The following CTNNA3 variants were observed in gnomAD, a reference collection of about 807,000 sequenced individuals.
CTNNA3 encodes the protein catenin alpha-3.
Under a neutral mutation model 95.7 loss-of-function variants are expected in CTNNA3, and 76 were observed. The observed-to-expected ratio is 0.79, with a 90% CI of 0.66 to 0.96. CTNNA3 has a LOEUF of 0.96. Ranked by LOEUF, CTNNA3 falls within the 40% of genes least tolerant of loss-of-function variation. CTNNA3 has a pLI of 0.00. For synonymous variants in CTNNA3, 431 were observed against 374.4 expected (o/e 1.15, Z -1.74); for missense variants, 1,191 against 1,089.8 (o/e 1.09, Z -1.31).
At chr10:67,530,871 G>C (rs1270584311) in intron 4 of CTNNA3, among the ~76,000 whole-genome samples, 1 of 152,180 alleles carries the variant, frequency 6.6e-6, no homozygotes, top group South Asian at 2.1e-4. Flanking sequence ...GTGCAGCCTA[G>C]GGACTTGGAG....
At chr10:67,664,824 G>C (rs1005836137) in intron 1 of CTNNA3, among the ~76,000 whole-genome samples, 2 of 151,998 alleles carry the variant, frequency 1.3e-5, no homozygotes, top group African/African-American at 4.8e-5. Flanking sequence ...ATGCTCTACC[G>C]TATTGAATAC....
At chr10:66,069,241 G>A (rs1194212157) in intron 15 of CTNNA3, 67 bp downstream of exon 15, 1 of 1,471,700 alleles carries the variant, frequency 6.8e-7, no homozygotes, top group African/African-American at 1.4e-5. Context: ...AGAATCTTGA[G>A]GTTTCACTAA....
intron 13 of CTNNA3, among the ~76,000 whole-genome samples, chr10:66,138,696 TAAAAA>T (rs2083468073): frequency 6.6e-6 from 1 of 151,810 alleles, no homozygotes. Context: ...ACAAAAATAT[TAAAAA>T]TACAGAAATC....
intron 1 of CTNNA3, among the ~76,000 whole-genome samples, chr10:67,726,831 A>G (rs1589582508): frequency 1.9e-5 from 2 of 107,340 alleles, no homozygotes; most frequent in African/African-American, 3.7e-5. Flanking sequence ...TCTATGTATC[A>G]TATATAATAT....
intron 3 of CTNNA3, among the ~76,000 whole-genome samples, chr10:67,603,314 C>T (rs1393971775): frequency 1.3e-5 from 2 of 152,160 alleles, no homozygotes; most frequent in African/African-American, 2.4e-5. Flanking sequence ...GCGTACATGA[C>T]GGTGGTCCCA....
intron 15 of CTNNA3, among the ~76,000 whole-genome samples, chr10:66,063,323 AT>A (rs1331015439): frequency 3.5e-5 from 3 of 86,046 alleles, no homozygotes; most frequent in African/African-American, 1.3e-4. Context: ...TATATATAAT[AT>A]ATATATATAT....
intron 6 of CTNNA3, among the ~76,000 whole-genome samples, chr10:67,191,728 T>G (rs1253132927): frequency 6.6e-6 from 1 of 151,920 alleles, no homozygotes; most frequent in Non-Finnish European, 1.5e-5. Context: ...ACAGTATTCT[T>G]CAAAGAAATA....
chr10:66,558,387 TGG>T (rs1842454564), intron 10 of CTNNA3, among the ~76,000 whole-genome samples: 1 of 152,150 alleles, frequency 6.6e-6, no homozygotes, highest in South Asian at 2.1e-4. Context: ...CATTTTCTTT[TGG>T]GGAAATGGCA....
At chr10:67,050,737 C>T (rs1044044530) in intron 7 of CTNNA3, among the ~76,000 whole-genome samples, 11 of 152,130 alleles carry the variant, frequency 7.2e-5, no homozygotes, top group African/African-American at 2.7e-4. Flanking sequence ...AATGACCACT[C>T]GCATCAAATT....
chr10:66,235,380 A>T (rs2089797679), intron 13 of CTNNA3, among the ~76,000 whole-genome samples: 1 of 151,050 alleles, frequency 6.6e-6, no homozygotes, highest in Non-Finnish European at 1.5e-5. Flanking sequence ...ATTTTATTAT[A>T]GTTTTATTAA....
intron 7 of CTNNA3, chr10:67,052,720 T>G (rs1169806367): frequency 6.6e-6 from 1 of 152,088 alleles, no homozygotes; most frequent in Non-Finnish European, 1.5e-5. Context: ...TACATAATGG[T>G]ACATCCTGCC....
intron 8 of CTNNA3, among the ~76,000 whole-genome samples, chr10:66,771,712 T>C (rs891497665): frequency 1.3e-5 from 2 of 152,134 alleles, no homozygotes; most frequent in African/African-American, 4.8e-5. Flanking sequence ...TATTTATTGT[T>C]TTAGGAATAA....
intron 7 of CTNNA3, among the ~76,000 whole-genome samples, chr10:67,128,942 G>C (rs183119242): frequency 1.3e-5 from 2 of 151,738 alleles, no homozygotes; most frequent in African/African-American, 4.8e-5. Context: ...GTTGAAACTA[G>C]GCTAATCATG....
chr10:67,267,019 T>G lies in CTNNA3; in HGVS notation c.580-47149A>C, dbSNP rs59394123. Among the ~76,000 whole-genome samples the G allele has an allele frequency of 0.018, 2,784 of 152,288 alleles. 230 individuals are homozygous for G. The East Asian group carries it at 0.25, about 14-fold the overall frequency. On this transcript the variant is annotated intron_variant, in intron 5 of 17. Coordinates refer to ENST00000433211, the MANE Select transcript of CTNNA3 (RefSeq NM_013266.4). ...AAAGCTTTTGAAATTCTGGGCATGC[T>G]TTTTTACTTCAGATAATCTGGTCTA... is the stretch of plus-strand genomic sequence containing the variant.
intron 10 of CTNNA3, among the ~76,000 whole-genome samples, chr10:66,536,211 G>A (rs1841650631): frequency 6.6e-6 from 1 of 151,872 alleles, no homozygotes; most frequent in Non-Finnish European, 1.5e-5. Flanking sequence ...GGTAATCCTT[G>A]TGGCTCACAC....
At chr10:66,106,706 AT>A (rs1399888779) in intron 13 of CTNNA3, among the ~76,000 whole-genome samples, 1 of 152,080 alleles carries the variant, frequency 6.6e-6, no homozygotes, top group African/African-American at 2.4e-5. Flanking sequence ...CTTATACCTC[AT>A]CCCAATATAC....
chr10:66,529,452 T>TG (rs1554812169), intron 10 of CTNNA3, among the ~76,000 whole-genome samples: 1 of 146,148 alleles, frequency 6.8e-6, no homozygotes, highest in African/African-American at 2.5e-5. Flanking sequence ...TTTTTTTTGT[T>TG]TTTTTTTTTT....
intron 2 of CTNNA3, among the ~76,000 whole-genome samples, chr10:67,643,575 T>A (rs1407601528): frequency 6.6e-6 from 1 of 152,086 alleles, no homozygotes; most frequent in African/African-American, 2.4e-5. Flanking sequence ...GGGATACATA[T>A]GCAGAACGTG....
chr10:66,717,540 TAGAG>T (rs1230199130), intron 9 of CTNNA3, among the ~76,000 whole-genome samples: 3 of 152,130 alleles, frequency 2.0e-5, no homozygotes, highest in African/African-American at 7.2e-5. Context: ...TGTCAAAGGT[TAGAG>T]AATCAAAATT....
Sources: gnomAD v4.1 joint callset for allele counts (sites outside exome capture counted in the v4.1 genomes callset) on GRCh38, gnomAD v4.1.1 for gene constraint, MANE v1.5 for transcripts, NCBI Gene and HGNC (gene_info 2026-07-23, HGNC 2026-07-21) for gene names.